KTN1: variants seen among roughly 807,000 people sequenced by gnomAD.
KTN1 encodes the protein kinectin.
Under a neutral mutation model 222.5 loss-of-function variants are expected in KTN1, and 130 were observed. That is an observed-to-expected ratio of 0.58 (90% CI 0.51 to 0.68). The LOEUF is 0.68. KTN1 is among the 30% of genes least tolerant of loss of function. The probability of loss-of-function intolerance (pLI) is 0.00; values close to 1 mark genes in which losing one functional copy is unlikely to be tolerated. For missense variants in KTN1, 1,508 were observed against 1,500.4 expected (o/e 1.01, Z -0.08); for synonymous variants, 512 against 496.3 (o/e 1.03, Z -0.42).
chr14:55,642,631 T>C (rs1057010849), intron 18 of KTN1, among the ~76,000 whole-genome samples: 1 of 152,228 alleles, frequency 6.6e-6, no homozygotes, highest in East Asian at 1.9e-4. Context: ...TTGCAAATGA[T>C]AGCACTTCTT....
intron 1 of KTN1, among the ~76,000 whole-genome samples, chr14:55,609,623 CTA>C (rs1004702716): frequency 2.6e-5 from 4 of 152,254 alleles, no homozygotes; most frequent in Middle Eastern, 3.4e-3. Flanking sequence ...CTTTTTCTTT[CTA>C]TACAGGTGAA....
At chr14:55,602,273 C>G (rs957838379) in intron 1 of KTN1, among the ~76,000 whole-genome samples, 4 of 152,080 alleles carry the variant, frequency 2.6e-5, no homozygotes, top group African/African-American at 9.7e-5. Context: ...ATATGCATGT[C>G]TGTGTAAATA....
chr14:55,633,398 T>G (rs1203123956), intron 8 of KTN1, 57 bp downstream of exon 8: 4 of 1,034,372 alleles, frequency 3.9e-6, no homozygotes, highest in Non-Finnish European at 5.6e-6. Context: ...TCTTGAATCA[T>G]CAAAATATTA....
At position 55,641,130 on chromosome 14, in the gene KTN1, TTA is replaced by T; in HGVS notation, c.2027_2028del (p.Tyr676CysfsTer2). ...ATTTTTTTTTTCACCCTCATAGTGTTTATGTTAAAGATGATAAAATAAGATTG... is the reference window on the plus strand; with the variant it reads ...ATTTTTTTTTTCACCCTCATAGTGTTTGTTAAAGATGATAAAATAAGATTG... ...HELEKMQQSVYVKDDKIRLLE... is the reference protein window; with the variant it reads ...HELEKMQQSVXVKDDKIRLLE... On this transcript the variant is annotated frameshift_variant, in exon 17 of 44. Coordinates refer to ENST00000395314, the MANE Select transcript of KTN1 (RefSeq NM_001079521.2). LOFTEE classifies it high-confidence loss of function. 6.3e-7 allele frequency: 1 copy of T among 1,577,348 alleles called. No individual in the cohort carries two copies. The highest frequency in any genetic ancestry group is 8.6e-7 in the Non-Finnish European group (1 of 1,160,418).
rs1042339266 is a variant in KTN1, at chr14:55,612,431, A to G, written c.383A>G (p.Gln128Arg). Residue 128 changes from glutamine to arginine, a missense_variant, in exon 2 of 44, where the codon CAG (glutamine) becomes CGG (arginine). Physicochemically the swap from Gln to Arg is conservative, Grantham distance 43. Transcript: ENST00000395314. Reference sequence around the variant, plus strand: ...AAACAAAAGCCTGTGCTTGAAGAGCAGGTCATCAAAGAAAGTGACGCATCA... The same window carrying G: ...AAACAAAAGCCTGTGCTTGAAGAGCGGGTCATCAAAGAAAGTGACGCATCA... ...EKKQKPVLEE[Q>R]VIKESDASKI... 2 of 1,614,184 alleles carry G rather than the reference A, an allele frequency of 1.2e-6. No individual in the cohort carries two copies. Among genetic ancestry groups the G allele is most frequent in the African/African-American group, 2.7e-5 (2 of 75,052 alleles).
chr14:55,597,063 G>GAA (rs150001039), intron 1 of KTN1, among the ~76,000 whole-genome samples: 1 of 147,458 alleles, frequency 6.8e-6, no homozygotes, highest in Non-Finnish European at 1.5e-5. Flanking sequence ...GGATTATTTT[G>GAA]AAAAAAAAAA....
chr14:55,631,879 A>G (rs1442265864), intron 7 of KTN1, among the ~76,000 whole-genome samples: 1 of 152,162 alleles, frequency 6.6e-6, no homozygotes, highest in Non-Finnish European at 1.5e-5. Flanking sequence ...ATTATGGCTG[A>G]TATTAATAGG....
At chr14:55,630,249 T>G in intron 7 of KTN1, 152 bp downstream of exon 7, 2 of 669,932 alleles carry the variant, frequency 3.0e-6, no homozygotes. Context: ...AAACAACTTT[T>G]CTAGGTGGGG....
At chr14:55,610,507 C>T (rs1044290142) in intron 1 of KTN1, among the ~76,000 whole-genome samples, 21 of 152,180 alleles carry the variant, frequency 1.4e-4, no homozygotes, top group Middle Eastern at 3.4e-3. Context: ...ATAAGTTACC[C>T]GTTTAGGTAG....
chr14:55,639,204 C>A lies in KTN1; in HGVS notation c.1805C>A (p.Ala602Glu), dbSNP rs777897732. The change falls in exon 13 of 44, where the codon GCA becomes GAA. Residue 602 changes from alanine (A) to glutamate (E), a missense_variant. Transcript: ENST00000395314. ...IAAQTSASVL[A>E]EELHKVIAEK... The stretch of plus-strand genomic sequence containing the variant: ...TCTTAGACCTCCGCTTCAGTTCTAG[C>A]AGAAGAATTACATAAAGTGTAAGCC... 8 of 1,604,486 alleles carry A rather than the reference C, an allele frequency of 5.0e-6. No homozygotes were observed. The highest frequency in any genetic ancestry group is 1.7e-4 in the Middle Eastern group (1 of 6,032).
chr14:55,655,311 T>C (rs894645400), intron 28 of KTN1, among the ~76,000 whole-genome samples: 15 of 152,214 alleles, frequency 9.9e-5, no homozygotes, highest in African/African-American at 3.4e-4. Context: ...GCAATATGCA[T>C]TTGAGTTTTT....
intron 5 of KTN1, among the ~76,000 whole-genome samples, chr14:55,623,390 A>T (rs1016066404): frequency 6.6e-6 from 1 of 152,098 alleles, no homozygotes; most frequent in African/African-American, 2.4e-5. Flanking sequence ...TTTTGTTTTT[A>T]TTTTTTTGAG....
At chr14:55,628,702 T>C (rs564017999) in intron 6 of KTN1, among the ~76,000 whole-genome samples, 3 of 152,314 alleles carry the variant, frequency 2.0e-5, no homozygotes, top group Admixed American at 2.0e-4. Context: ...ATAAATCCTT[T>C]ATGTGAATTT....
chr14:55,670,360 A>G (rs368955742), intron 34 of KTN1, among the ~76,000 whole-genome samples: 183 of 152,162 alleles, frequency 1.2e-3, no homozygotes, highest in Middle Eastern at 0.01. Context: ...GTTTTGAAAA[A>G]TTAGTCTGGG....
Position 55,671,836 on chromosome 14 carries a change from T to A in KTN1, c.3490T>A (p.Trp1164Arg). 6.2e-7 allele frequency: 1 copy of A among 1,610,382 alleles called. No homozygotes were observed. Among genetic ancestry groups the A allele is most frequent in the East Asian group, 2.2e-5 (1 of 44,824 alleles). ...QRSVEQEENK[W>R]KVKVDESHKT... ...AAGTGTTGAGCAAGAAGAAAATAAA[T>A]GGAAAGTTAAGGTCGATGAATCACA... is the stretch of plus-strand genomic sequence containing the variant. The change falls in exon 37 of 44, where the codon TGG becomes AGG. Residue 1164 changes from tryptophan (W) to arginine (R), a missense_variant. Transcript: ENST00000395314.
At chr14:55,619,060 ATC>A in intron 4 of KTN1, 120 bp from the exon 5 acceptor site, 1 of 697,942 alleles carries the variant, frequency 1.4e-6, no homozygotes, top group East Asian at 2.7e-5. Context: ...TGAAGTATAT[ATC>A]TGTTTTCTTT....
intron 40 of KTN1, chr14:55,675,615 C>T (rs1359375071): frequency 5.3e-6 from 2 of 379,152 alleles, no homozygotes; most frequent in African/African-American, 4.1e-5. Flanking sequence ...CAGTTTTCTA[C>T]TCTAAACTGT....
At chr14:55,660,827 T>G (rs943824631) in intron 31 of KTN1, among the ~76,000 whole-genome samples, 11 of 152,140 alleles carry the variant, frequency 7.2e-5, no homozygotes, top group African/African-American at 2.7e-4. Flanking sequence ...TAAAAACAGC[T>G]CTTAGTTTGA....
chr14:55,651,963 C>A (rs901302400), intron 25 of KTN1, 36 bp downstream of exon 25: 7 of 1,332,554 alleles, frequency 5.3e-6, no homozygotes, highest in African/African-American at 3.0e-5. Flanking sequence ...TTTACTATTT[C>A]TTTTTCATGA....
Sources: gnomAD v4.1 joint callset for allele counts (sites outside exome capture counted in the v4.1 genomes callset) on GRCh38, gnomAD v4.1.1 for gene constraint, MANE v1.5 for transcripts, NCBI Gene and HGNC (gene_info 2026-07-23, HGNC 2026-07-21) for gene names.